CALN1: variants seen among roughly 807,000 people sequenced by gnomAD.
CALN1 encodes calcium-binding protein 8.
CALN1 carries 17 observed loss-of-function variants against 30.6 expected under a neutral mutation model. The observed-to-expected ratio is 0.56, with a 90% CI of 0.38 to 0.83. The LOEUF (loss-of-function observed/expected upper bound fraction) is 0.83, where lower values mean the gene tolerates loss of function less well. Among genes scored for constraint, CALN1 ranks in the 40% least tolerant of loss-of-function variants. The pLI is 0.00. For missense variants in CALN1, 291 were observed against 354.9 expected (o/e 0.82, Z 1.45); for synonymous variants, 156 against 131.4 (o/e 1.19, Z -1.28).
At chr7:71,908,579 A>C (rs1794262395) in intron 5 of CALN1, among the ~76,000 whole-genome samples, 1 of 152,166 alleles carries the variant, frequency 6.6e-6, no homozygotes, top group South Asian at 2.1e-4. Flanking sequence ...AGATATCTTA[A>C]AAGGACACGG....
intron 2 of CALN1, among the ~76,000 whole-genome samples, chr7:72,279,910 A>G (rs939614970): frequency 5.3e-5 from 8 of 152,210 alleles, no homozygotes; most frequent in African/African-American, 1.7e-4. Flanking sequence ...GTCAATCACA[A>G]GGAGTGGGTA....
chr7:72,116,022 A>G (rs1253027784), intron 3 of CALN1, among the ~76,000 whole-genome samples: 5 of 152,138 alleles, frequency 3.3e-5, no homozygotes, highest in Non-Finnish European at 5.9e-5. Context: ...TGGCTGAATA[A>G]CAGTCCATTG....
chr7:72,024,850 G>A (rs1210816514), intron 4 of CALN1, among the ~76,000 whole-genome samples: 11 of 152,132 alleles, frequency 7.2e-5, no homozygotes, highest in East Asian at 1.9e-4. Flanking sequence ...CCCTCTGTCC[G>A]GGATGCCTTC....
At chr7:72,455,909 A>T in the CALN1 span, among the ~76,000 whole-genome samples, 2 of 152,132 alleles carry the variant, frequency 1.3e-5, no homozygotes, top group Non-Finnish European at 2.9e-5. Context: ...GCTGTGTCTT[A>T]ACATGGTGAG....
intron 2 of CALN1, among the ~76,000 whole-genome samples, chr7:72,339,900 T>C (rs941093646): frequency 1.3e-5 from 2 of 152,202 alleles, no homozygotes; most frequent in Admixed American, 6.5e-5. Context: ...ATGGGAATTA[T>C]GGGAGCTACA....
the CALN1 span, among the ~76,000 whole-genome samples, chr7:72,499,765 C>CTT: frequency 7.8e-3 from 1,058 of 135,110 alleles, 68 homozygotes; most frequent in South Asian, 0.031. Flanking sequence ...TTCCGCAAAA[C>CTT]TTTCTTTCTT....
the CALN1 span, among the ~76,000 whole-genome samples, chr7:72,488,451 T>C: frequency 6.6e-6 from 1 of 152,138 alleles, no homozygotes; most frequent in Non-Finnish European, 1.5e-5. Context: ...TTAGGGGGCC[T>C]AAAGTTCACT....
At chr7:72,138,287 AT>A (rs201085340) in intron 3 of CALN1, among the ~76,000 whole-genome samples, 3,622 of 149,024 alleles carry the variant, frequency 0.024, 93 homozygotes, top group African/African-American at 0.072. Flanking sequence ...TTTATTTTGG[AT>A]TTTTTTTTTT....
At chr7:72,026,935 C>T (rs1801097381) in intron 4 of CALN1, among the ~76,000 whole-genome samples, 2 of 152,130 alleles carry the variant, frequency 1.3e-5, no homozygotes, top group South Asian at 4.1e-4. Flanking sequence ...TACATTTGTG[C>T]AGTAACTCTC....
chr7:71,922,891 T>TATATA (rs10656005), intron 5 of CALN1, among the ~76,000 whole-genome samples: 71,898 of 141,866 alleles, frequency 0.51, 18,933 homozygotes, highest in African/African-American at 0.6. Context: ...TATATATTAA[T>TATATA]ATATATGTAT....
intron 4 of CALN1, among the ~76,000 whole-genome samples, chr7:72,024,071 C>A (rs765440614): frequency 6.6e-6 from 1 of 152,190 alleles, no homozygotes; most frequent in Non-Finnish European, 1.5e-5. Context: ...TCCTTTTACT[C>A]CGAATTGCCC....
chr7:71,890,940 C>A (rs924049037), intron 5 of CALN1, among the ~76,000 whole-genome samples: 5 of 151,832 alleles, frequency 3.3e-5, no homozygotes, highest in African/African-American at 1.2e-4. Flanking sequence ...AGAGACAGGG[C>A]TTTGCTATTT....
chr7:72,138,081 C>T (rs1211225367), intron 3 of CALN1, among the ~76,000 whole-genome samples: 6 of 152,118 alleles, frequency 3.9e-5, no homozygotes, highest in African/African-American at 1.4e-4. Context: ...TGAAATATTA[C>T]ACACATTCAA....
chr7:71,829,365 C>G (rs1789124994), intron 5 of CALN1, among the ~76,000 whole-genome samples: 1 of 152,154 alleles, frequency 6.6e-6, no homozygotes, highest in African/African-American at 2.4e-5. Flanking sequence ...TCCCTTGGAG[C>G]CTCCAGGAAG....
chr7:72,501,370 T>TAAAAAAAAAAAAAAAAA, the CALN1 span, among the ~76,000 whole-genome samples: 12 of 42,810 alleles, frequency 2.8e-4, 1 homozygote, highest in Non-Finnish European at 3.9e-4. Flanking sequence ...ACGTCTCTAT[T>TAAAAAAAAAAAAAAAAA]AAAAAAAAAA....
At chr7:71,951,430 A>G (rs1457544537) in intron 5 of CALN1, among the ~76,000 whole-genome samples, 1 of 152,164 alleles carries the variant, frequency 6.6e-6, no homozygotes, top group African/African-American at 2.4e-5. Flanking sequence ...GTCTCTACTA[A>G]AAATACAAAA....
chr7:72,389,570 A>C (rs1401555107), intron 2 of CALN1, among the ~76,000 whole-genome samples: 1 of 152,166 alleles, frequency 6.6e-6, no homozygotes, highest in Non-Finnish European at 1.5e-5. Flanking sequence ...AAGTCAAATG[A>C]CTGTTGTTAT....
At chr7:71,910,056 T>A (rs1584492966) in intron 5 of CALN1, among the ~76,000 whole-genome samples, 2 of 110,038 alleles carry the variant, frequency 1.8e-5, no homozygotes, top group South Asian at 5.2e-4. Flanking sequence ...AACCATCAGA[T>A]CTCAAGAGAC....
intron 5 of CALN1, among the ~76,000 whole-genome samples, chr7:72,004,632 A>G (rs911760624): frequency 7.2e-5 from 11 of 152,196 alleles, no homozygotes; most frequent in Non-Finnish European, 1.2e-4. Context: ...TGCAAACAAC[A>G]TATCTGACCA....
Sources: gnomAD v4.1 joint callset for allele counts (sites outside exome capture counted in the v4.1 genomes callset) on GRCh38, gnomAD v4.1.1 for gene constraint, MANE v1.5 for transcripts, NCBI Gene and HGNC (gene_info 2026-07-23, HGNC 2026-07-21) for gene names.